Variants in ARRB1 observed in about 807,000 individuals in gnomAD.
ARRB1 encodes beta-arrestin-1.
In ARRB1, 21 loss-of-function variants were observed where a neutral mutation model predicts 56.8. The observed-to-expected ratio is 0.37, with a 90% CI of 0.26 to 0.53. The LOEUF is 0.53. ARRB1 is among the 20% of genes least tolerant of loss of function. The pLI, the probability that ARRB1 is intolerant of heterozygous loss-of-function variation, is 0.88. For synonymous variants in ARRB1, 210 were observed against 218.6 expected, an observed-to-expected ratio of 0.96 and a Z score of 0.35; for missense variants, 424 against 553.7, an observed-to-expected ratio of 0.77 and a Z score of 2.35.
intron 1 of ARRB1, among the ~76,000 whole-genome samples, chr11:75,302,852 G>A (rs1789682): frequency 0.94 from 142,935 of 152,022 alleles, 67,440 homozygotes; most frequent in African/African-American, 0.97. Context: ...TCTCCCCCAA[G>A]TGTCCCTCAG....
chr11:75,298,183 T>C (rs1425541842), intron 1 of ARRB1, among the ~76,000 whole-genome samples: 7 of 150,858 alleles, frequency 4.6e-5, no homozygotes, highest in African/African-American at 1.7e-4. Context: ...ATGGCACATG[T>C]ATACATATGT....
chr11:75,312,648 A>C (rs978028252), intron 1 of ARRB1, among the ~76,000 whole-genome samples: 1 of 152,104 alleles, frequency 6.6e-6, no homozygotes, highest in Non-Finnish European at 1.5e-5. Flanking sequence ...AGATGGAGAG[A>C]TTATCCTGCA....
chr11:75,293,981 G>A (rs1461276845), intron 1 of ARRB1, among the ~76,000 whole-genome samples: 1 of 152,108 alleles, frequency 6.6e-6, no homozygotes, highest in Non-Finnish European at 1.5e-5. Context: ...CTTTTGGCTT[G>A]GATGTGACTC....
chr11:75,314,151 C>T lies in ARRB1; in HGVS notation c.21-24112G>A, dbSNP rs528125842. Among the ~76,000 whole-genome samples the T allele has an allele frequency of 8.5e-5, 13 of 152,358 alleles. No homozygotes were observed. In the East Asian group the frequency reaches 2.5e-3, roughly 29 times the overall value. ...GGGGTCTCCCACAGGACTCCAGTCCCACCAGCCTGGGGCCCCACTAACACA... is the reference window on the plus strand; with the variant it reads ...GGGGTCTCCCACAGGACTCCAGTCCTACCAGCCTGGGGCCCCACTAACACA... On this transcript the variant is annotated intron_variant, in intron 1 of 15. Transcript: ENST00000420843.
At chr11:75,349,779 C>T (rs1262064854) in intron 1 of ARRB1, among the ~76,000 whole-genome samples, 1 of 152,240 alleles carries the variant, frequency 6.6e-6, no homozygotes, top group African/African-American at 2.4e-5. Flanking sequence ...GGCCAGCCAG[C>T]TGCAATGGGG....
intron 1 of ARRB1, among the ~76,000 whole-genome samples, chr11:75,327,040 C>T (rs1018726467): frequency 2.1e-5 from 3 of 142,068 alleles, no homozygotes; most frequent in Non-Finnish European, 1.5e-5. Context: ...TTGTGCTGGG[C>T]GTGGTGGCTC....
rs954969179 is a variant in ARRB1, at chr11:75,263,486, TG to T, written c.*2676del. On this transcript the variant is annotated 3_prime_UTR_variant, in exon 16 of 16. Transcript: ENST00000420843. ...GTTCTAGTGTAGGTCTGAATCCACC[TG>T]GAAAGGGCACCGTCTTCTAATTCAC... Among the ~76,000 whole-genome samples the T allele has an allele frequency of 6.6e-6, 1 of 151,990 alleles. No individual in the cohort carries two copies. Among genetic ancestry groups the T allele is most frequent in the Non-Finnish European group, 1.5e-5 (1 of 67,970 alleles).
chr11:75,263,076 A>T lies in ARRB1; in HGVS notation c.*3087T>A, dbSNP rs1945834315. On this transcript the variant is annotated 3_prime_UTR_variant, in exon 16 of 16. Coordinates refer to ENST00000420843, the MANE Select transcript of ARRB1 (RefSeq NM_004041.5). Reference sequence around the variant, plus strand: ...CCCACAGGGCACACTGCAAAGTCCCAGTGACGGATGGCTTGGCCAGTGCAG... The same window carrying T: ...CCCACAGGGCACACTGCAAAGTCCCTGTGACGGATGGCTTGGCCAGTGCAG... Among the ~76,000 whole-genome samples, 1 of 152,222 alleles carries T rather than the reference A, an allele frequency of 6.6e-6. No individual in the cohort carries two copies. The highest frequency in any genetic ancestry group is 2.4e-5 in the African/African-American group (1 of 41,456).
chr11:75,285,334 G>A (rs1438282382), intron 3 of ARRB1, among the ~76,000 whole-genome samples: 2 of 152,248 alleles, frequency 1.3e-5, no homozygotes, highest in African/African-American at 4.8e-5. Flanking sequence ...GCAGAGTCCA[G>A]CTGGACACAA....
rs778813552 is a variant in ARRB1, at chr11:75,276,936, G to A, written c.704-25C>T. 9.3e-6 allele frequency: 15 copies of A among 1,611,690 alleles called. No homozygotes were observed. The East Asian group carries it at 2.9e-4, about 31-fold the overall frequency. On this transcript the variant is annotated intron_variant, in intron 9 of 15. Transcript: ENST00000420843. Reference sequence around the variant, plus strand: ...ACTAGGGAGGGAGAGGAATCAAGGTGGAGTGAGTCGGGAATGTAGCTCCCA... The same window carrying A: ...ACTAGGGAGGGAGAGGAATCAAGGTAGAGTGAGTCGGGAATGTAGCTCCCA...
At chr11:75,303,344 C>T (rs1057022249) in intron 1 of ARRB1, among the ~76,000 whole-genome samples, 3 of 152,056 alleles carry the variant, frequency 2.0e-5, no homozygotes, top group Admixed American at 1.3e-4. Context: ...TTTCCAGGTG[C>T]GTGCCCTGCT....
rs916573147 is a variant in ARRB1, at chr11:75,260,893, C to T, written c.*5270G>A. The T allele has an allele frequency of 6.6e-6, 1 of 152,166 alleles. No individual in the cohort carries two copies. Among genetic ancestry groups the T allele is most frequent in the Admixed American group, 6.5e-5 (1 of 15,284 alleles). The allele number at this position is 152,166 out of a possible 1,614,324, so 9.4% of individuals were successfully genotyped here. On this transcript the variant is annotated 3_prime_UTR_variant, in exon 16 of 16. Coordinates refer to ENST00000420843, the MANE Select transcript of ARRB1 (RefSeq NM_004041.5). ...CTTTTATGTGAGCCAAGATTTCCAT[C>T]CATCCGGCGCTGTGTAAAGATGAAT...
chr11:75,304,720 C>T (rs1211035997), intron 1 of ARRB1, among the ~76,000 whole-genome samples: 1 of 151,466 alleles, frequency 6.6e-6, no homozygotes, highest in Non-Finnish European at 1.5e-5. Context: ...ATGTCAGTCC[C>T]CCCAAACCCC....
chr11:75,271,552 G>T (rs1415692651), intron 13 of ARRB1, 149 bp downstream of exon 13: 6 of 807,358 alleles, frequency 7.4e-6, no homozygotes, highest in Non-Finnish European at 1.1e-5. Context: ...AGGAGAAATT[G>T]TGTCTCCCAG....
At chr11:75,318,395 A>C (rs959911018) in intron 1 of ARRB1, among the ~76,000 whole-genome samples, 3 of 152,030 alleles carry the variant, frequency 2.0e-5, no homozygotes, top group African/African-American at 7.2e-5. Flanking sequence ...CTGGGCTCAA[A>C]AGATCTCCCC....
chr11:75,344,008 G>A (rs1313996593), intron 1 of ARRB1, among the ~76,000 whole-genome samples: 3 of 152,086 alleles, frequency 2.0e-5, no homozygotes, highest in Admixed American at 6.6e-5. Context: ...GTAGAGACAA[G>A]GTTTCACCGT....
intron 1 of ARRB1, among the ~76,000 whole-genome samples, chr11:75,344,790 GAAGA>G (rs1947741321): frequency 6.6e-6 from 1 of 152,136 alleles, no homozygotes; most frequent in African/African-American, 2.4e-5. Context: ...GGGAAGAAAG[GAAGA>G]AAGAGTTCAG....
chr11:75,320,507 C>T (rs1947329825), intron 1 of ARRB1, among the ~76,000 whole-genome samples: 1 of 152,186 alleles, frequency 6.6e-6, no homozygotes, highest in Non-Finnish European at 1.5e-5. Flanking sequence ...CCTCTGAAAG[C>T]TTGGGGGGCT....
chr11:75,281,197 C>A, intron 6 of ARRB1, 55 bp from the exon 7 acceptor site: 1 of 1,499,302 alleles, frequency 6.7e-7, no homozygotes, highest in Non-Finnish European at 9.1e-7. Context: ...GTCCCCAGTA[C>A]ACAGCCAGCC....
Sources: allele counts gnomAD v4.1 joint callset (sites outside exome capture counted in the v4.1 genomes callset), GRCh38; gene constraint gnomAD v4.1.1; transcripts MANE v1.5; gene names NCBI Gene and HGNC (gene_info 2026-07-23, HGNC 2026-07-21).